Variants in HOXB3 observed in about 807,000 individuals in gnomAD.
HOXB3 encodes homeobox protein Hox-B3.
HOXB3 carries 17 observed loss-of-function variants against 29.2 expected under a neutral mutation model. That is an observed-to-expected ratio of 0.58 (90% CI 0.40 to 0.87). The LOEUF is 0.87. Ranked by LOEUF, HOXB3 falls within the 40% of genes least tolerant of loss-of-function variation. The pLI, the probability that HOXB3 is intolerant of heterozygous loss-of-function variation, is 0.00. For missense variants in HOXB3, 637 were observed against 616.3 expected (o/e 1.03, Z -0.35); for synonymous variants, 317 against 285.9 (o/e 1.11, Z -1.10).
Position 48,554,460 on chromosome 17 carries a change from G to A in HOXB3, c.-159+1071C>T. The A allele has an allele frequency of 3.3e-6, 2 of 599,686 alleles. No individual in the cohort carries two copies. The highest frequency in any genetic ancestry group is 4.0e-5 in the South Asian group (2 of 50,236). The allele number at this position is 599,686 out of a possible 1,614,324, so 37.1% of individuals were successfully genotyped here. On this transcript the variant is annotated intron_variant, in intron 3 of 4. Transcript: ENST00000498678. The surrounding 1 kb of genome is among the most constrained non-coding windows in gnomAD (Gnocchi z 4.1). Reference sequence around the variant, plus strand: ...CCATCGCGGGACGGAGGCCAGGCGAGTGTGGAAAGCGAAGGAGCCAGAGAC... The same window carrying A: ...CCATCGCGGGACGGAGGCCAGGCGAATGTGGAAAGCGAAGGAGCCAGAGAC...
At chr17:48,578,408 G>A (rs2069842190) in intron 1 of HOXB3, 5 of 1,485,088 alleles carry the variant, frequency 3.4e-6, no homozygotes, top group African/African-American at 2.9e-5. Flanking sequence ...CCTACTTACT[G>A]TCAAGTGAAC....
At chr17:48,565,766 C>T (rs965959084) in intron 2 of HOXB3, among the ~76,000 whole-genome samples, 1 of 152,210 alleles carries the variant, frequency 6.6e-6, no homozygotes, top group African/African-American at 2.4e-5. Context: ...TCTCACTTAA[C>T]TCTGTGTGTG....
intron 2 of HOXB3, among the ~76,000 whole-genome samples, chr17:48,561,183 A>AACACACAAACACACACAC (rs2069180947): frequency 8.0e-6 from 1 of 125,382 alleles, no homozygotes. Context: ...TCCGTCTCAA[A>AACACACAAACACACACAC]ACACACACAC....
At position 48,552,259 on chromosome 17, in the gene HOXB3, GCTGC is replaced by G. The variant is rs1200244416; in HGVS notation, c.212_215del (p.Gly71AlafsTer3). 6.2e-7 allele frequency: 1 copy of G among 1,613,654 alleles called. No homozygotes were observed. The highest frequency in any genetic ancestry group is 8.5e-7 in the Non-Finnish European group (1 of 1,179,912). The stretch of plus-strand genomic sequence containing the variant: ...CGGGGGCCAGACCCGGCCTCATGCA[GCTGC>G]CGTTGAGCTCCTTGCTCTTGGCATG... On this transcript the variant is annotated frameshift_variant, in exon 4 of 5. Coordinates refer to ENST00000498678, the MANE Select transcript of HOXB3 (RefSeq NM_001384749.1). LOFTEE classifies it high-confidence loss of function.
chr17:48,570,101 G>T (rs1314068098), intron 2 of HOXB3, among the ~76,000 whole-genome samples: 1 of 152,126 alleles, frequency 6.6e-6, no homozygotes, highest in African/African-American at 2.4e-5. Flanking sequence ...TTTGAAGTCA[G>T]CCTGGCAGCC....
At chr17:48,585,940 C>T (rs2740753) in intron 1 of HOXB3, among the ~76,000 whole-genome samples, 5,652 of 152,220 alleles carry the variant, frequency 0.037, 146 homozygotes, top group African/African-American at 0.074. Context: ...GGTCTGGGGC[C>T]TGCGAGGTAC....
chr17:48,555,370 G>GAA, intron 3 of HOXB3, 161 bp downstream of exon 3: 1 of 541,500 alleles, frequency 1.8e-6, no homozygotes, highest in Admixed American at 2.6e-5. Context: ...GAGAGGGAGG[G>GAA]AGGGAGGGAG....
chr17:48,555,230 T>C (rs1344216066), intron 3 of HOXB3, among the ~76,000 whole-genome samples: 3 of 151,800 alleles, frequency 2.0e-5, no homozygotes, highest in East Asian at 1.9e-4. Context: ...GTTGAGACTT[T>C]CTTAGCAGCC....
intron 2 of HOXB3, 138 bp downstream of exon 2, chr17:48,573,698 CT>C: frequency 1.6e-6 from 1 of 615,456 alleles, no homozygotes; most frequent in Non-Finnish European, 2.9e-6. Flanking sequence ...AGCAAACCTG[CT>C]GAAGCATCCA....
Position 48,550,885 on chromosome 17 carries a change from C to G in HOXB3, c.745G>C (p.Ala249Pro). 6.2e-7 allele frequency: 1 copy of G among 1,613,980 alleles called. No individual in the cohort carries two copies. The highest frequency in any genetic ancestry group is 8.5e-7 in the Non-Finnish European group (1 of 1,179,936). Residue 249 changes from alanine (A) to proline (P), a missense_variant, in exon 5 of 5, where the codon GCC (alanine) becomes CCC (proline). Transcript: ENST00000498678. ...CCCGACGACGAGGCCAATCCCTTGGCCTTCTGGTCCTTCTTGTACTTCATG... is the reference window on the plus strand; with the variant it reads ...CCCGACGACGAGGCCAATCCCTTGGGCTTCTGGTCCTTCTTGTACTTCATG... ...RRMKYKKDQKAKGLASSSGGP... is the reference protein window; with the variant it reads ...RRMKYKKDQKPKGLASSSGGP...
intron 2 of HOXB3, among the ~76,000 whole-genome samples, chr17:48,569,033 T>TTCTCTCTCTCTC (rs1258383591): frequency 2.7e-5 from 4 of 149,554 alleles, no homozygotes; most frequent in Non-Finnish European, 4.4e-5. Flanking sequence ...CTCCCTTTCT[T>TTCTCTCTCTCTC]TCTCTCTCTC....
chr17:48,580,433 G>T (rs1055851284), intron 1 of HOXB3: 1 of 151,298 alleles, frequency 6.6e-6, no homozygotes, highest in African/African-American at 2.4e-5. Flanking sequence ...GCGCCTCTCA[G>T]CGAAGGGAGG....
chr17:48,570,479 G>C lies in HOXB3; in HGVS notation c.-247+3358C>G, dbSNP rs111522544. On this transcript the variant is annotated intron_variant, in intron 2 of 4. Transcript: ENST00000498678. ...GAGGCAGCCAGGACCACAGCCTCCG[G>C]GGCAGGCAGGGAATCCAGGAAGAAT... is the stretch of plus-strand genomic sequence containing the variant. 4.7e-3 allele frequency among the ~76,000 whole-genome samples: 720 copies of C among 152,308 alleles called. 8 individuals are homozygous for C. The highest frequency in any genetic ancestry group is 0.017 in the African/African-American group (697 of 41,564).
intron 1 of HOXB3, among the ~76,000 whole-genome samples, chr17:48,585,102 C>A (rs185491454): frequency 1.3e-5 from 2 of 152,160 alleles, no homozygotes; most frequent in Non-Finnish European, 2.9e-5. Flanking sequence ...ACCCCTCCCC[C>A]CTTCGCCAAT....
At chr17:48,574,674 T>G (rs1224499320) in intron 1 of HOXB3, among the ~76,000 whole-genome samples, 1 of 152,102 alleles carries the variant, frequency 6.6e-6, no homozygotes, top group Non-Finnish European at 1.5e-5. Context: ...ACCTTAGAAC[T>G]TCCAAGCAGT....
At chr17:48,588,788 G>A (rs929924794) in intron 1 of HOXB3, among the ~76,000 whole-genome samples, 2 of 152,192 alleles carry the variant, frequency 1.3e-5, no homozygotes, top group African/African-American at 2.4e-5. Context: ...GTCAGGCTTG[G>A]GCAGTGGATA....
At chr17:48,584,407 C>T (rs749381854) in intron 1 of HOXB3, among the ~76,000 whole-genome samples, 12 of 152,332 alleles carry the variant, frequency 7.9e-5, no homozygotes, top group Middle Eastern at 3.4e-3. Context: ...CCCCACCTTC[C>T]TGACACAGCC....
intron 1 of HOXB3, among the ~76,000 whole-genome samples, chr17:48,589,183 G>T (rs1164675517): frequency 1.3e-5 from 2 of 152,140 alleles, no homozygotes; most frequent in Non-Finnish European, 2.9e-5. Flanking sequence ...TTGAGGGTGT[G>T]CCCAGAAAAG....
At chr17:48,570,363 C>T (rs1380574932) in intron 2 of HOXB3, among the ~76,000 whole-genome samples, 2 of 152,148 alleles carry the variant, frequency 1.3e-5, no homozygotes, top group Non-Finnish European at 2.9e-5. Context: ...GAGTTCTCGG[C>T]CGGGGCATGG....
Sources: gnomAD v4.1 joint callset for allele counts (sites outside exome capture counted in the v4.1 genomes callset) on GRCh38, gnomAD v4.1.1 for gene constraint, Gnocchi (gnomAD v3.1) non-coding constraint, MANE v1.5 for transcripts, NCBI Gene and HGNC (gene_info 2026-07-23, HGNC 2026-07-21) for gene names.